The following USP25 variants were observed in gnomAD, a reference collection of about 807,000 sequenced individuals.
USP25 encodes the protein ubiquitin carboxyl-terminal hydrolase 25.
Under a neutral mutation model 158.5 loss-of-function variants are expected in USP25, and 85 were observed. That is an observed-to-expected ratio of 0.54 (90% confidence interval 0.45 to 0.64). The LOEUF is 0.64. Among genes scored for constraint, USP25 ranks in the 30% least tolerant of loss-of-function variants. The pLI, the probability that USP25 is intolerant of heterozygous loss-of-function variation, is 0.00. For missense variants in USP25, 1,242 were observed against 1,327.3 expected (o/e 0.94, Z 1.00); for synonymous variants, 464 against 460.4 (o/e 1.01, Z -0.10).
At chr21:15,833,263 TC>T in intron 16 of USP25, 84 bp from the exon 17 acceptor site, 1 of 1,267,958 alleles carries the variant, frequency 7.9e-7, no homozygotes, top group Non-Finnish European at 1.1e-6. Flanking sequence ...TAGTTTAAAT[TC>T]TATTTGAAAT....
At chr21:15,763,037 A>G in intron 2 of USP25, 69 bp downstream of exon 2, 2 of 1,401,182 alleles carry the variant, frequency 1.4e-6, no homozygotes, top group Non-Finnish European at 9.6e-7. Flanking sequence ...TATATTTGAT[A>G]GTTGATTTTT....
chr21:15,872,591 T>C (rs928107654), intron 23 of USP25, among the ~76,000 whole-genome samples: 1 of 152,210 alleles, frequency 6.6e-6, no homozygotes, highest in Non-Finnish European at 1.5e-5. Flanking sequence ...TCGTTTTTCA[T>C]AAATAACATC....
At chr21:15,820,854 A>G (rs1208855420) in intron 10 of USP25, among the ~76,000 whole-genome samples, 1 of 151,966 alleles carries the variant, frequency 6.6e-6, no homozygotes, top group Non-Finnish European at 1.5e-5. Context: ...CAACTAATAT[A>G]TAGGAAGACC....
In USP25 at chr21:15,856,001, A is replaced by G. The variant is rs529298117; in HGVS notation, c.2547+6129A>G. Among the ~76,000 whole-genome samples the G allele has an allele frequency of 3.9e-5, 6 of 152,102 alleles. No homozygotes were observed. The South Asian group carries it at 1.2e-3, about 32-fold the overall frequency. Reference sequence around the variant, plus strand: ...ATACAGTTGTCATTTCTTCCCTCTCATGGTATTTTGTTGTATGACTATAAT... The same window carrying G: ...ATACAGTTGTCATTTCTTCCCTCTCGTGGTATTTTGTTGTATGACTATAAT... On this transcript the variant is annotated intron_variant, in intron 20 of 25. Coordinates refer to ENST00000400183, the MANE Select transcript of USP25 (RefSeq NM_001283041.3).
intron 1 of USP25, among the ~76,000 whole-genome samples, chr21:15,750,323 C>T (rs1295985060): frequency 2.0e-5 from 3 of 150,758 alleles, no homozygotes; most frequent in African/African-American, 7.3e-5. Context: ...CCTCCGTCTC[C>T]CTGGTTCAAG....
At position 15,830,444 on chromosome 21, in the gene USP25, A is replaced by T; in HGVS notation, c.1694-87A>T. The T allele has an allele frequency of 2.6e-6, 3 of 1,164,478 alleles. No homozygotes were observed. The South Asian group carries it at 4.8e-5, about 19-fold the overall frequency. The allele number at this position is 1,164,478 out of a possible 1,614,324, so 72.1% of individuals were successfully genotyped here. On this transcript the variant is annotated intron_variant, in intron 14 of 25. Transcript: ENST00000400183. ...TTAGGAAAATTTTCCTATTCCTCTA[A>T]CATGTTTGTAGGAAAAACATTAGTC...
At chr21:15,819,028 A>G (rs376553124) in intron 10 of USP25, among the ~76,000 whole-genome samples, 182 bp downstream of exon 10, 136 of 152,308 alleles carry the variant, frequency 8.9e-4, no homozygotes, top group African/African-American at 3.2e-3. Context: ...ATGGCCTATA[A>G]TCTATGTCAA....
chr21:15,764,176 A>G (rs1367573667), intron 2 of USP25, among the ~76,000 whole-genome samples: 1 of 152,136 alleles, frequency 6.6e-6, no homozygotes, highest in Non-Finnish European at 1.5e-5. Context: ...TGACGTTTAG[A>G]TAATTGCTAG....
At chr21:15,836,921 A>G (rs1298942477) in intron 17 of USP25, among the ~76,000 whole-genome samples, 4 of 137,878 alleles carry the variant, frequency 2.9e-5, no homozygotes, top group Admixed American at 7.4e-5. Flanking sequence ...CTGTCAGTGT[A>G]GGGAACAGAG....
At chr21:15,758,615 G>A (rs867912281) in intron 1 of USP25, among the ~76,000 whole-genome samples, 1 of 152,140 alleles carries the variant, frequency 6.6e-6, no homozygotes, top group South Asian at 2.1e-4. Context: ...GTATTAGTCT[G>A]TTCTCATGCT....
rs1254903897 is a variant in USP25, at chr21:15,846,156, ATATTTTT to A, written c.2338-1505_2338-1499del. Among the ~76,000 whole-genome samples, 6 of 18,538 alleles carry A rather than the reference ATATTTTT, an allele frequency of 3.2e-4. No individual in the cohort carries two copies. The South Asian group carries it at 0.018, about 56-fold the overall frequency. 12.2% of individuals were successfully genotyped at this position (18,538 alleles called of 152,430 possible). On this transcript the variant is annotated intron_variant, in intron 18 of 25. Transcript: ENST00000400183. ...TATATATATATATATATATATATAT[ATATTTTT>A]TTTTTTTTTTTTTTTTTGAGACAGA...
chr21:15,841,088 C>G (rs989704014), intron 17 of USP25, among the ~76,000 whole-genome samples: 1 of 152,134 alleles, frequency 6.6e-6, no homozygotes, highest in East Asian at 1.9e-4. Context: ...CTTTTAACTT[C>G]TCTCCTTCCT....
chr21:15,762,422 T>C lies in USP25; in HGVS notation c.46-469T>C, dbSNP rs73182002. On this transcript the variant is annotated intron_variant, in intron 1 of 25. Coordinates refer to ENST00000400183, the MANE Select transcript of USP25 (RefSeq NM_001283041.3). ...AATGATCTATTCAATTTAGAATCTT[T>C]TATGACAGATTGGACAGTGAAATGA... is the stretch of plus-strand genomic sequence containing the variant. Among the ~76,000 whole-genome samples, 833 of 152,316 alleles carry C rather than the reference T, an allele frequency of 5.5e-3. 2 individuals carry two copies. Among genetic ancestry groups the C allele is most frequent in the Middle Eastern group, 0.02 (6 of 294 alleles).
intron 10 of USP25, among the ~76,000 whole-genome samples, chr21:15,822,161 GTAT>G (rs2037269101): frequency 6.6e-6 from 1 of 151,458 alleles, no homozygotes. Context: ...CTCATGTTTC[GTAT>G]TATTTAAAAT....
intron 5 of USP25, among the ~76,000 whole-genome samples, chr21:15,798,280 T>C (rs2035959586): frequency 6.6e-6 from 1 of 151,332 alleles, no homozygotes; most frequent in Non-Finnish European, 1.5e-5. Context: ...GAATCTTTTG[T>C]GGAACTTTGT....
intron 10 of USP25, 117 bp from the exon 11 acceptor site, chr21:15,823,922 G>A: frequency 2.0e-6 from 2 of 1,013,306 alleles, no homozygotes; most frequent in Non-Finnish European, 2.8e-6. Flanking sequence ...TTACTTGTCA[G>A]GTCCGCATTG....
Position 15,805,096 on chromosome 21 carries a change from T to A in USP25, c.643-25T>A, listed in dbSNP as rs2146269194. 2.6e-6 allele frequency: 4 copies of A among 1,558,398 alleles called. No homozygotes were observed. The East Asian group carries it at 9.2e-5, about 36-fold the overall frequency. ...TCTTAATCTTCAGTTAAGGTGTTTT[T>A]GTTTTTGTTTTTTTCCTTCAATAGG... is the stretch of plus-strand genomic sequence containing the variant. On this transcript the variant is annotated intron_variant, in intron 6 of 25. Transcript: ENST00000400183.
At position 15,820,183 on chromosome 21, in the gene USP25, C is replaced by T. The variant is rs1447264739; in HGVS notation, c.1080+1337C>T. Reference sequence around the variant, plus strand: ...AATAAGAAAGCAGACTCTTAAAATCCGATCTGTTTGCTGTTAAATGAAAGG... The same window carrying T: ...AATAAGAAAGCAGACTCTTAAAATCTGATCTGTTTGCTGTTAAATGAAAGG... On this transcript the variant is annotated intron_variant, in intron 10 of 25. Transcript: ENST00000400183. 4.6e-5 allele frequency among the ~76,000 whole-genome samples: 7 copies of T among 151,966 alleles called. 1 individual carries two copies. The highest frequency in any genetic ancestry group is 2.1e-4 in the South Asian group (1 of 4,832).
intron 9 of USP25, 141 bp from the exon 10 acceptor site, chr21:15,818,557 G>A: frequency 1.4e-6 from 1 of 701,128 alleles, no homozygotes; most frequent in Non-Finnish European, 2.3e-6. Context: ...TAAACCAACA[G>A]GAAAATTAAC....
Sources: gnomAD v4.1 joint callset for allele counts (sites outside exome capture counted in the v4.1 genomes callset) on GRCh38, gnomAD v4.1.1 for gene constraint, MANE v1.5 for transcripts, NCBI Gene and HGNC (gene_info 2026-07-23, HGNC 2026-07-21) for gene names.